The following FOXP2 variants were observed in gnomAD, a reference collection of about 807,000 sequenced individuals.
FOXP2 encodes forkhead box P2, also known as forkhead box protein P2.
Under a neutral mutation model 115.8 loss-of-function variants are expected in FOXP2, and 12 were observed. The observed-to-expected ratio is 0.10, with a 90% CI of 0.07 to 0.17. The LOEUF is 0.17. Among genes scored for constraint, FOXP2 ranks in the 10% least tolerant of loss-of-function variants. FOXP2 has a pLI of 1.00. For missense variants in FOXP2, 629 were observed against 843.5 expected, an observed-to-expected ratio of 0.75 and a Z score of 3.15; for synonymous variants, 328 against 297.7, an observed-to-expected ratio of 1.10 and a Z score of -1.05.
chr7:114,205,361 A>G (rs1443324804), intron 1 of FOXP2, among the ~76,000 whole-genome samples: 1 of 152,180 alleles, frequency 6.6e-6, no homozygotes, highest in East Asian at 1.9e-4. Context: ...AAAAGAGTAT[A>G]TTTGAAAAGC....
At chr7:114,586,436 C>T (rs1802133582) in intron 3 of FOXP2, among the ~76,000 whole-genome samples, 6 of 151,870 alleles carry the variant, frequency 4.0e-5, no homozygotes, top group Admixed American at 3.9e-4. Flanking sequence ...ATTAAGGTTC[C>T]ATTTATAAAT....
At chr7:114,688,972 A>G (rs1340030297) in intron 16 of FOXP2, among the ~76,000 whole-genome samples, 1 of 152,136 alleles carries the variant, frequency 6.6e-6, no homozygotes. Flanking sequence ...AGGGGTAAAA[A>G]GGATGAAAAA....
chr7:114,548,020 G>T lies in FOXP2; in HGVS notation c.258+13314G>T, dbSNP rs150986693. On this transcript the variant is annotated intron_variant, in intron 3 of 16. Coordinates refer to ENST00000350908, the MANE Select transcript of FOXP2 (RefSeq NM_014491.4). ...CTCCACAGACAAGTAGTCCAGAGCT[G>T]ACTGGTACAACTGCTCAAGGATGAG... is the stretch of plus-strand genomic sequence containing the variant. Among the ~76,000 whole-genome samples the T allele has an allele frequency of 3.2e-4, 49 of 152,266 alleles. No homozygotes were observed. The East Asian group carries it at 8.5e-3, about 26-fold the overall frequency.
intron 2 of FOXP2, among the ~76,000 whole-genome samples, chr7:114,377,682 G>A (rs1260760946): frequency 6.6e-6 from 1 of 152,156 alleles, no homozygotes; most frequent in African/African-American, 2.4e-5. Flanking sequence ...AGGATCTTAG[G>A]TATGATAATG....
intron 1 of FOXP2, among the ~76,000 whole-genome samples, chr7:114,208,643 A>G (rs796571653): frequency 3.9e-5 from 6 of 151,994 alleles, no homozygotes; most frequent in East Asian, 3.9e-4. Context: ...CACAATTCCA[A>G]TGTGTTGTGG....
At chr7:114,151,726 A>T (rs1242375430) in intron 1 of FOXP2, among the ~76,000 whole-genome samples, 1 of 152,168 alleles carries the variant, frequency 6.6e-6, no homozygotes, top group Non-Finnish European at 1.5e-5. Context: ...TACTAAGTTT[A>T]TCTAAACATT....
chr7:114,214,601 C>T (rs763004352), intron 1 of FOXP2, among the ~76,000 whole-genome samples: 3 of 152,136 alleles, frequency 2.0e-5, no homozygotes, highest in Non-Finnish European at 2.9e-5. Context: ...AATCAAGACA[C>T]GGTATAGGCT....
intron 1 of FOXP2, among the ~76,000 whole-genome samples, chr7:114,235,454 C>A (rs923943799): frequency 2.0e-5 from 3 of 151,622 alleles, no homozygotes; most frequent in African/African-American, 4.8e-5. Flanking sequence ...CTTTGAAATT[C>A]AACTGGACAA....
chr7:114,246,666 G>T (rs1562834191), intron 1 of FOXP2, among the ~76,000 whole-genome samples: 1 of 151,818 alleles, frequency 6.6e-6, no homozygotes. Flanking sequence ...TCTAATCATG[G>T]TTCTAATCAT....
At chr7:114,570,774 A>G (rs1408784328) in intron 3 of FOXP2, 1 of 1,562,796 alleles carries the variant, frequency 6.4e-7, no homozygotes, top group Non-Finnish European at 8.8e-7. Context: ...ATTGAAAAAA[A>G]AGCCAACTCC....
intron 2 of FOXP2, among the ~76,000 whole-genome samples, chr7:114,475,914 G>A (rs1193554397): frequency 1.3e-5 from 2 of 151,750 alleles, no homozygotes; most frequent in Non-Finnish European, 2.9e-5. Flanking sequence ...CATCTCTTAC[G>A]ATTTTGAAGA....
chr7:114,475,149 A>G (rs1046856957), intron 2 of FOXP2, among the ~76,000 whole-genome samples: 1 of 152,098 alleles, frequency 6.6e-6, no homozygotes, highest in Non-Finnish European at 1.5e-5. Flanking sequence ...GGTATGCTAC[A>G]TGACATTTAT....
chr7:114,349,905 T>G (rs1381433372), intron 2 of FOXP2, among the ~76,000 whole-genome samples: 1 of 152,068 alleles, frequency 6.6e-6, no homozygotes, highest in Non-Finnish European at 1.5e-5. Context: ...ACACATTGAT[T>G]AGGGTGATTT....
chr7:114,576,407 T>A (rs1433139523), intron 3 of FOXP2, among the ~76,000 whole-genome samples: 1 of 151,838 alleles, frequency 6.6e-6, no homozygotes, highest in Admixed American at 6.6e-5. Flanking sequence ...TATTTGAGAT[T>A]CCCAAGAATA....
chr7:114,489,306 C>T (rs73208664), intron 2 of FOXP2, among the ~76,000 whole-genome samples: 2,390 of 151,910 alleles, frequency 0.016, 30 homozygotes, highest in Non-Finnish European at 0.025. Flanking sequence ...TTTTTTGAAA[C>T]TAGACTCTAG....
intron 1 of FOXP2, among the ~76,000 whole-genome samples, chr7:114,185,175 G>T: frequency 6.6e-6 from 1 of 151,960 alleles, no homozygotes; most frequent in Non-Finnish European, 1.5e-5. Flanking sequence ...TATTTTTATG[G>T]TCTCCCATAT....
chr7:114,657,970 A>G, intron 10 of FOXP2, 96 bp from the exon 11 acceptor site: 3 of 1,321,666 alleles, frequency 2.3e-6, no homozygotes, highest in Non-Finnish European at 3.3e-6. Flanking sequence ...GTGGCAACAC[A>G]GCTGTAGAAG....
At chr7:114,594,352 C>T (rs566000800) in intron 3 of FOXP2, among the ~76,000 whole-genome samples, 89 of 152,174 alleles carry the variant, frequency 5.8e-4, no homozygotes, top group African/African-American at 2.0e-3. Flanking sequence ...CCCTCACCCA[C>T]ATCTTCCACT....
At chr7:114,239,171 T>C (rs1458488921) in intron 1 of FOXP2, among the ~76,000 whole-genome samples, 1 of 151,742 alleles carries the variant, frequency 6.6e-6, no homozygotes, top group African/African-American at 2.4e-5. Flanking sequence ...ATCATAGCAG[T>C]TTTTTCTTTT....
Sources: gnomAD v4.1 joint callset for allele counts (sites outside exome capture counted in the v4.1 genomes callset) on GRCh38, gnomAD v4.1.1 for gene constraint, MANE v1.5 for transcripts, NCBI Gene and HGNC (gene_info 2026-07-23, HGNC 2026-07-21) for gene names.